The following ZMYND8 variants were observed in gnomAD, a reference collection of about 807,000 sequenced individuals.
ZMYND8 encodes the protein zinc finger MYND-type containing 8.
In ZMYND8, 37 loss-of-function variants were observed where a neutral mutation model predicts 140.8. That is an observed-to-expected ratio of 0.26 (90% CI 0.20 to 0.35). ZMYND8 has a LOEUF of 0.35. Among genes scored for constraint, ZMYND8 ranks in the 10% least tolerant of loss-of-function variants. ZMYND8 has a pLI of 1.00. For missense variants in ZMYND8, 1,068 were observed against 1,570.0 expected (o/e 0.68, Z 5.40); for synonymous variants, 592 against 597.1 (o/e 0.99, Z 0.12).
At chr20:47,302,250 G>A (rs926376746) in intron 3 of ZMYND8, among the ~76,000 whole-genome samples, 7 of 152,134 alleles carry the variant, frequency 4.6e-5, no homozygotes, top group African/African-American at 1.4e-4. Context: ...CGAGGTGGGT[G>A]GATCACCTGA....
intron 2 of ZMYND8, among the ~76,000 whole-genome samples, chr20:47,345,518 T>G (rs1287992846): frequency 6.6e-6 from 1 of 151,616 alleles, no homozygotes; most frequent in Non-Finnish European, 1.5e-5. Context: ...TTTTTTTTTT[T>G]TTTTTTTAAG....
At position 47,238,919 on chromosome 20, in the gene ZMYND8, T is replaced by C; in HGVS notation, c.2504A>G (p.Gln835Arg). 6.2e-7 allele frequency: 1 copy of C among 1,614,180 alleles called. No homozygotes were observed. The highest frequency in any genetic ancestry group is 8.5e-7 in the Non-Finnish European group (1 of 1,180,040). ...ACTTGATGAGTTCCACACGACCCGC[T>C]GCACGGCCGGGGCAGTCTCCTTCGG... is the stretch of plus-strand genomic sequence containing the variant. Reference protein sequence around the residue: ...LLPKETAPAVQRVVWNSSSKF... With the variant: ...LLPKETAPAVRRVVWNSSSKF... Residue 835 changes from glutamine to arginine, a missense_variant, in exon 15 of 23, where the codon CAG (glutamine) becomes CGG (arginine). Physicochemically the swap from Gln to Arg is conservative, Grantham distance 43 (BLOSUM62 1). Transcript: ENST00000471951.
At chr20:47,232,722 G>A (rs931735106) in intron 16 of ZMYND8, among the ~76,000 whole-genome samples, 12 of 152,070 alleles carry the variant, frequency 7.9e-5, no homozygotes, top group African/African-American at 2.7e-4. Context: ...AAGGACAACC[G>A]AAGGTAGAAC....
At chr20:47,255,149 C>A (rs1175491237) in intron 12 of ZMYND8, among the ~76,000 whole-genome samples, 1 of 152,032 alleles carries the variant, frequency 6.6e-6, no homozygotes, top group East Asian at 1.9e-4. Context: ...ATAAAAATAT[C>A]TCCAGACACT....
intron 2 of ZMYND8, among the ~76,000 whole-genome samples, chr20:47,333,597 A>G (rs1229857311): frequency 6.6e-6 from 1 of 151,876 alleles, no homozygotes; most frequent in Non-Finnish European, 1.5e-5. Flanking sequence ...GTGGTGGCAC[A>G]TGCCTGTAGT....
At chr20:47,307,344 G>C (rs1173838168) in intron 3 of ZMYND8, among the ~76,000 whole-genome samples, 1 of 151,924 alleles carries the variant, frequency 6.6e-6, no homozygotes, top group Non-Finnish European at 1.5e-5. Flanking sequence ...TGTAATCCCA[G>C]CTACTCAGGA....
intron 11 of ZMYND8, among the ~76,000 whole-genome samples, chr20:47,273,483 T>G (rs775865483): frequency 6.6e-6 from 1 of 152,018 alleles, no homozygotes; most frequent in Non-Finnish European, 1.5e-5. Context: ...GAGGTGGAGG[T>G]TGCAGTGAGC....
chr20:47,260,104 G>A (rs755564782), intron 12 of ZMYND8, among the ~76,000 whole-genome samples: 1 of 152,118 alleles, frequency 6.6e-6, no homozygotes, highest in Non-Finnish European at 1.5e-5. Context: ...TCTCTGTTGG[G>A]GGCCCTGTTC....
At chr20:47,274,674 T>C (rs1231565307) in intron 11 of ZMYND8, among the ~76,000 whole-genome samples, 1 of 152,168 alleles carries the variant, frequency 6.6e-6, no homozygotes, top group Non-Finnish European at 1.5e-5. Flanking sequence ...GACTCAACCA[T>C]GAGTGTCTAG....
At chr20:47,290,299 A>C (rs1370669767) in intron 6 of ZMYND8, 25 bp from the exon 7 acceptor site, 4 of 1,608,164 alleles carry the variant, frequency 2.5e-6, no homozygotes, top group Non-Finnish European at 3.4e-6. Flanking sequence ...GATGGAGCAT[A>C]ATCACAGTGA....
intron 1 of ZMYND8, chr20:47,356,241 G>A: frequency 1.2e-6 from 1 of 814,066 alleles, no homozygotes; most frequent in South Asian, 1.8e-5. Context: ...CCCCAGCAGG[G>A]CATGTGGCAA....
chr20:47,295,364 G>A (rs577589794), intron 4 of ZMYND8, among the ~76,000 whole-genome samples: 1 of 152,306 alleles, frequency 6.6e-6, no homozygotes, highest in South Asian at 2.1e-4. Context: ...CTGCACTCTA[G>A]CCTGGGTGAC....
intron 1 of ZMYND8, chr20:47,354,696 A>G (rs1327690832): frequency 6.6e-6 from 1 of 152,226 alleles, no homozygotes; most frequent in Non-Finnish European, 1.5e-5. Context: ...TTGACATAAC[A>G]CAGCAATTGA....
intron 8 of ZMYND8, among the ~76,000 whole-genome samples, chr20:47,286,204 G>A (rs985737558): frequency 6.7e-6 from 1 of 148,940 alleles, no homozygotes. Flanking sequence ...CGGAGACAGA[G>A]TCTCACTCTA....
At position 47,313,491 on chromosome 20, in the gene ZMYND8, G is replaced by A. The variant is rs539414191; in HGVS notation, c.86-3287C>T. 7.2e-5 allele frequency among the ~76,000 whole-genome samples: 11 copies of A among 151,864 alleles called. 1 individual carries two copies. The highest frequency in any genetic ancestry group is 1.4e-4 in the African/African-American group (6 of 41,428). On this transcript the variant is annotated intron_variant, in intron 2 of 22. Coordinates refer to ENST00000471951, the MANE Select transcript of ZMYND8 (RefSeq NM_001281775.3). ...CAAAAAATTAGCCGGGCGTGGTGGC[G>A]GGCGCCTGTAGTCCCAGCTACTCGG...
At chr20:47,324,669 G>A (rs2080263179) in intron 2 of ZMYND8, among the ~76,000 whole-genome samples, 1 of 152,044 alleles carries the variant, frequency 6.6e-6, no homozygotes, top group Admixed American at 6.6e-5. Flanking sequence ...CATTCACTCA[G>A]CTCCAACCCC....
intron 21 of ZMYND8, among the ~76,000 whole-genome samples, chr20:47,215,541 CTG>C (rs551143910): frequency 4.7e-4 from 71 of 150,116 alleles, no homozygotes; most frequent in African/African-American, 1.6e-3. Context: ...AGGTCTCACT[CTG>C]TTGCCCAGCT....
At chr20:47,243,976 G>A (rs1436578790) in intron 14 of ZMYND8, among the ~76,000 whole-genome samples, 1 of 152,138 alleles carries the variant, frequency 6.6e-6, no homozygotes, top group African/African-American at 2.4e-5. Flanking sequence ...TGGTTTGATG[G>A]CCTATCCTCC....
At chr20:47,345,501 A>G (rs1424655646) in intron 2 of ZMYND8, among the ~76,000 whole-genome samples, 3 of 146,990 alleles carry the variant, frequency 2.0e-5, no homozygotes, top group Non-Finnish European at 1.5e-5. Context: ...ACAGAACCTG[A>G]CCCACTTTTT....
Sources: allele counts gnomAD v4.1 joint callset (sites outside exome capture counted in the v4.1 genomes callset), GRCh38; gene constraint gnomAD v4.1.1; transcripts MANE v1.5; gene names NCBI Gene and HGNC (gene_info 2026-07-23, HGNC 2026-07-21).